NFIB: variants seen among roughly 807,000 people sequenced by gnomAD.
NFIB encodes nuclear factor I B.
A neutral mutation model predicts 61.5 loss-of-function variants in NFIB; 11 were observed. That is an observed-to-expected ratio of 0.18 (90% CI 0.11 to 0.30). NFIB has a LOEUF of 0.30. Among genes scored for constraint, NFIB ranks in the 10% least tolerant of loss-of-function variants. NFIB has a pLI of 1.00. For missense variants in NFIB, 471 were observed against 608.9 expected (o/e 0.77, Z 2.38); for synonymous variants, 260 against 216.5 (o/e 1.20, Z -1.76).
chr9:14,223,967 A>G (rs1463588866), intron 2 of NFIB, among the ~76,000 whole-genome samples: 2 of 152,218 alleles, frequency 1.3e-5, no homozygotes, highest in African/African-American at 4.8e-5. Context: ...GTATCTTCTC[A>G]AATTTTGTCC....
At chr9:14,241,468 T>A (rs2054343126) in intron 2 of NFIB, among the ~76,000 whole-genome samples, 1 of 152,102 alleles carries the variant, frequency 6.6e-6, no homozygotes, top group South Asian at 2.1e-4. Flanking sequence ...GGCTTCCAAA[T>A]TTTTCTTTAA....
chr9:14,343,262 G>C (rs747191376), intron 1 of NFIB, among the ~76,000 whole-genome samples: 1 of 152,146 alleles, frequency 6.6e-6, no homozygotes, highest in Non-Finnish European at 1.5e-5. Context: ...CTCTTGAAGG[G>C]GAATTGAAGA....
chr9:14,460,842 C>G, the NFIB span, among the ~76,000 whole-genome samples: 1 of 151,982 alleles, frequency 6.6e-6, no homozygotes, highest in African/African-American at 2.4e-5. Flanking sequence ...ACAAGGCCTT[C>G]CACTGCCCAG....
upstream of NFIB, among the ~76,000 whole-genome samples, chr9:14,315,189 G>A (rs901206139): frequency 6.6e-6 from 1 of 151,632 alleles, no homozygotes; most frequent in African/African-American, 2.4e-5. Context: ...CCCGCCCGGA[G>A]CCCGGGTTCG....
chr9:14,446,175 T>C, the NFIB span, among the ~76,000 whole-genome samples: 1 of 152,316 alleles, frequency 6.6e-6, no homozygotes, highest in East Asian at 1.9e-4. Context: ...ATTTTGGTTT[T>C]GTTTGTATGT....
intron 2 of NFIB, among the ~76,000 whole-genome samples, chr9:14,239,338 G>A (rs889819970): frequency 3.9e-5 from 6 of 152,278 alleles, no homozygotes; most frequent in Admixed American, 6.5e-5. Flanking sequence ...GAGGAAAAGA[G>A]GAAAATGGCA....
intron 1 of NFIB, among the ~76,000 whole-genome samples, chr9:14,377,486 G>A (rs1226698419): frequency 6.6e-6 from 1 of 151,986 alleles, no homozygotes; most frequent in Non-Finnish European, 1.5e-5. Context: ...CAAAGTGCTA[G>A]GATTACAGGC....
the NFIB span, among the ~76,000 whole-genome samples, chr9:14,415,353 T>G: frequency 6.6e-6 from 1 of 152,186 alleles, no homozygotes; most frequent in Non-Finnish European, 1.5e-5. Flanking sequence ...ATACGAGGCA[T>G]AACCCACAAC....
intron 1 of NFIB, among the ~76,000 whole-genome samples, chr9:14,394,917 A>G (rs1157185298): frequency 6.6e-6 from 1 of 152,232 alleles, no homozygotes; most frequent in Non-Finnish European, 1.5e-5. Context: ...AATATAATTA[A>G]TTAGTTAATG....
At chr9:14,336,373 T>C (rs1054960835) in intron 1 of NFIB, among the ~76,000 whole-genome samples, 2 of 152,202 alleles carry the variant, frequency 1.3e-5, no homozygotes, top group Non-Finnish European at 2.9e-5. Flanking sequence ...CATCAGCTAT[T>C]ATGGTAACTG....
chr9:14,352,412 C>A (rs746083699), intron 1 of NFIB, among the ~76,000 whole-genome samples: 5 of 151,620 alleles, frequency 3.3e-5, no homozygotes, highest in African/African-American at 1.2e-4. Context: ...CTAAGATGAA[C>A]GTGGAAATAA....
intron 2 of NFIB, among the ~76,000 whole-genome samples, chr9:14,269,548 T>C (rs1180607374): frequency 6.6e-6 from 1 of 152,182 alleles, no homozygotes; most frequent in Non-Finnish European, 1.5e-5. Context: ...AAGCATGGTA[T>C]TGAGACATAT....
At chr9:14,198,764 ATGC>A (rs1350435014) in intron 2 of NFIB, among the ~76,000 whole-genome samples, 4 of 152,200 alleles carry the variant, frequency 2.6e-5, no homozygotes, top group Non-Finnish European at 4.4e-5. Flanking sequence ...TTGGCTGCTG[ATGC>A]TTGCTCACAG....
At chr9:14,185,271 G>A (rs2047221735) in intron 2 of NFIB, among the ~76,000 whole-genome samples, 1 of 152,102 alleles carries the variant, frequency 6.6e-6, no homozygotes, top group South Asian at 2.1e-4. Flanking sequence ...AAAACGACCT[G>A]ATTTCCCACC....
At chr9:14,357,351 G>A (rs1051350600) in intron 1 of NFIB, 1 of 152,172 alleles carries the variant, frequency 6.6e-6, no homozygotes, top group African/African-American at 2.4e-5. Flanking sequence ...AGTCCCTGAA[G>A]GAACACTGTG....
At chr9:14,125,330 G>C (rs905897389) in intron 7 of NFIB, among the ~76,000 whole-genome samples, 7 of 152,024 alleles carry the variant, frequency 4.6e-5, no homozygotes, top group Non-Finnish European at 1.0e-4. Context: ...GCTAATTTTT[G>C]TATTTTTAGT....
intron 7 of NFIB, 22 bp downstream of exon 7, chr9:14,125,610 C>T: frequency 1.2e-6 from 2 of 1,613,582 alleles, no homozygotes; most frequent in Non-Finnish European, 1.7e-6. Flanking sequence ...GAGGCTTCTC[C>T]TCTATGCTTG....
intron 1 of NFIB, among the ~76,000 whole-genome samples, chr9:14,374,173 TTTTGTTAAAAA>T (rs1193874115): frequency 1.3e-5 from 2 of 152,246 alleles, no homozygotes; most frequent in East Asian, 3.8e-4. Flanking sequence ...TCAAAAATCC[TTTTGTTAAAAA>T]TACGGTTCTT....
chr9:14,175,731 T>C (rs1273853206), intron 3 of NFIB, among the ~76,000 whole-genome samples: 1 of 152,144 alleles, frequency 6.6e-6, no homozygotes, highest in Non-Finnish European at 1.5e-5. Flanking sequence ...GTTAAGTCCA[T>C]GTTATTCCCG....
Sources: gnomAD v4.1 joint callset for allele counts (sites outside exome capture counted in the v4.1 genomes callset) on GRCh38, gnomAD v4.1.1 for gene constraint, MANE v1.5 for transcripts, NCBI Gene and HGNC (gene_info 2026-07-23, HGNC 2026-07-21) for gene names.